The following NTF3 variants were observed in gnomAD, a reference collection of about 807,000 sequenced individuals.
NTF3 encodes the protein neurotrophin-3.
In NTF3, 8 loss-of-function variants were observed where a neutral mutation model predicts 26.3. That is an observed-to-expected ratio of 0.30 (90% CI 0.18 to 0.55). The LOEUF is 0.55. Among genes scored for constraint, NTF3 ranks in the 20% least tolerant of loss-of-function variants. The pLI is 0.93. For missense variants in NTF3, 276 were observed against 352.9 expected (o/e 0.78, Z 1.75); for synonymous variants, 154 against 145.5 (o/e 1.06, Z -0.42).
intron 1 of NTF3, among the ~76,000 whole-genome samples, chr12:5,486,296 TGTGGTC>T (rs1380426611): frequency 1.3e-5 from 2 of 152,242 alleles, no homozygotes; most frequent in African/African-American, 4.8e-5. Flanking sequence ...CCAAGCCAGC[TGTGGTC>T]TTGGTTTGGA....
In NTF3 at chr12:5,495,076, T is replaced by G. The variant is rs1406833583; in HGVS notation, c.*88T>G. Reference sequence around the variant, plus strand: ...AAATGTTTATATTGTTTTTATATATTATAAGTTGACCTTTATTTATTAAAC... The same window carrying G: ...AAATGTTTATATTGTTTTTATATATGATAAGTTGACCTTTATTTATTAAAC... On this transcript the variant is annotated 3_prime_UTR_variant, in exon 2 of 2. Coordinates refer to ENST00000423158, the MANE Select transcript of NTF3 (RefSeq NM_001102654.2). The G allele has an allele frequency of 2.9e-6, 4 of 1,355,980 alleles. No homozygotes were observed. In the East Asian group the frequency reaches 1.0e-4, roughly 34 times the overall value. The allele number at this position is 1,355,980 out of a possible 1,614,324, so 84.0% of individuals were successfully genotyped here.
At chr12:5,453,355 AC>A (rs1438595014) in intron 1 of NTF3, among the ~76,000 whole-genome samples, 3 of 151,650 alleles carry the variant, frequency 2.0e-5, no homozygotes, top group African/African-American at 7.3e-5. Flanking sequence ...AGTGTTTCCT[AC>A]CCCTCCTGCC....
intron 1 of NTF3, among the ~76,000 whole-genome samples, chr12:5,483,070 T>C (rs1486921115): frequency 6.6e-6 from 1 of 151,812 alleles, no homozygotes; most frequent in Non-Finnish European, 1.5e-5. Flanking sequence ...CTCTGTCTCT[T>C]TGTTCTCTAT....
chr12:5,490,145 C>T (rs960436415), intron 1 of NTF3, among the ~76,000 whole-genome samples: 2 of 152,056 alleles, frequency 1.3e-5, no homozygotes, highest in African/African-American at 2.4e-5. Flanking sequence ...GGACCATGGC[C>T]GACTTCAGAG....
At chr12:5,483,302 G>A (rs952585264) in intron 1 of NTF3, among the ~76,000 whole-genome samples, 1 of 152,064 alleles carries the variant, frequency 6.6e-6, no homozygotes, top group Non-Finnish European at 1.5e-5. Flanking sequence ...TTTGCAGTCC[G>A]ACCCGTGGGG....
intron 1 of NTF3, among the ~76,000 whole-genome samples, chr12:5,447,143 C>A (rs1297993133): frequency 6.6e-6 from 1 of 152,176 alleles, no homozygotes; most frequent in Non-Finnish European, 1.5e-5. Flanking sequence ...TCACCCCATC[C>A]CACCCCAAAT....
intron 1 of NTF3, among the ~76,000 whole-genome samples, chr12:5,444,839 C>CGAAT (rs1378641826): frequency 6.6e-6 from 1 of 152,114 alleles, no homozygotes; most frequent in Non-Finnish European, 1.5e-5. Context: ...AATGAGCAAA[C>CGAAT]GAATGCATGA....
Position 5,432,225 on chromosome 12 carries a change from G to A in NTF3, c.-100G>A. 7.6e-7 allele frequency: 1 copy of A among 1,307,544 alleles called. No individual in the cohort carries two copies. The highest frequency in any genetic ancestry group is 1.1e-6 in the Non-Finnish European group (1 of 902,138). The allele number at this position is 1,307,544 out of a possible 1,614,324, so 81.0% of individuals were successfully genotyped here. ...TTCTTCCTCTCCTTTTTCCCCTGCT[G>A]GGTAGTGGCTGCGGCGGGGTGGGGG... On this transcript the variant is annotated 5_prime_UTR_variant, in exon 1 of 2. Transcript: ENST00000423158.
In NTF3 at chr12:5,432,152, C is replaced by A. The variant is rs1449985438; in HGVS notation, c.-173C>A. 1.4e-6 allele frequency: 1 copy of A among 738,710 alleles called. No individual in the cohort carries two copies. The highest frequency in any genetic ancestry group is 2.7e-5 in the East Asian group (1 of 37,242). 45.8% of individuals were successfully genotyped at this position (738,710 alleles called of 1,614,324 possible). The stretch of plus-strand genomic sequence containing the variant: ...CTCCCTTCCGAACAGCTCCGCGCAC[C>A]GCCCCGCGACGCAGCCCGGCGCAAC... On this transcript the variant is annotated 5_prime_UTR_variant, in exon 1 of 2. Coordinates refer to ENST00000423158, the MANE Select transcript of NTF3 (RefSeq NM_001102654.2).
upstream of NTF3, among the ~76,000 whole-genome samples, chr12:5,430,588 C>G (rs967943468): frequency 7.3e-5 from 11 of 151,600 alleles, no homozygotes; most frequent in Non-Finnish European, 1.5e-4. Flanking sequence ...CCAGACTCCC[C>G]CCTCCCTTCC....
chr12:5,466,869 G>C (rs1940596390), intron 1 of NTF3, among the ~76,000 whole-genome samples: 1 of 152,112 alleles, frequency 6.6e-6, no homozygotes, highest in Non-Finnish European at 1.5e-5. Flanking sequence ...TTGTTTATGG[G>C]AGGGGTGAGG....
At chr12:5,490,221 A>C (rs1940917918) in intron 1 of NTF3, among the ~76,000 whole-genome samples, 1 of 152,212 alleles carries the variant, frequency 6.6e-6, no homozygotes, top group Non-Finnish European at 1.5e-5. Flanking sequence ...CAGGCTTGGC[A>C]AAAGCCCATG....
intron 1 of NTF3, among the ~76,000 whole-genome samples, chr12:5,437,856 A>G (rs1018465245): frequency 6.6e-6 from 1 of 152,156 alleles, no homozygotes; most frequent in East Asian, 1.9e-4. Context: ...GCATGTGTGG[A>G]GTAAGAGGAG....
intron 1 of NTF3, among the ~76,000 whole-genome samples, chr12:5,455,740 C>G (rs1940437967): frequency 6.6e-6 from 1 of 152,136 alleles, no homozygotes; most frequent in Non-Finnish European, 1.5e-5. Flanking sequence ...TCATGTCTTG[C>G]TCAGGGCACA....
intron 1 of NTF3, among the ~76,000 whole-genome samples, chr12:5,461,866 G>A (rs1940530112): frequency 6.6e-6 from 1 of 152,048 alleles, no homozygotes; most frequent in Non-Finnish European, 1.5e-5. Context: ...CTCTTATTTT[G>A]GAATAGCTAT....
At chr12:5,481,751 CAT>C (rs1353750997) in intron 1 of NTF3, among the ~76,000 whole-genome samples, 10 of 151,574 alleles carry the variant, frequency 6.6e-5, no homozygotes, top group East Asian at 2.0e-4. Context: ...ACACCACACA[CAT>C]ATGCACACCA....
rs556892930 is a variant in NTF3 at position 5,432,293 on chromosome 12, T to C, written c.-32T>C. The C allele has an allele frequency of 7.4e-6, 12 of 1,613,112 alleles. No individual in the cohort carries two copies. In the African/African-American group the frequency reaches 1.3e-4, roughly 18 times the overall value. On this transcript the variant is annotated 5_prime_UTR_variant, in exon 1 of 2. Coordinates refer to ENST00000423158, the MANE Select transcript of NTF3 (RefSeq NM_001102654.2). ...GCTCGCGTCCACCTTTCTCTTCATG[T>C]CGACGTCCCTGGAAACGGCCACACG...
chr12:5,481,347 C>T (rs539890621), intron 1 of NTF3, among the ~76,000 whole-genome samples: 1 of 151,812 alleles, frequency 6.6e-6, no homozygotes, highest in African/African-American at 2.4e-5. Context: ...CCCAGCACAC[C>T]ACGCACACAT....
At position 5,432,122 on chromosome 12, in the gene NTF3, C is replaced by G. The variant is rs868704257; in HGVS notation, c.-203C>G. 1.3e-4 allele frequency: 82 copies of G among 655,080 alleles called. 1 individual carries two copies. The Middle Eastern group carries it at 4.3e-3, about 34-fold the overall frequency. 40.6% of individuals were successfully genotyped at this position (655,080 alleles called of 1,614,324 possible). ...CTGTTCACGGGACTCAGAGTTGAAG[C>G]TCCTCTCCCTTCCGAACAGCTCCGC... On this transcript the variant is annotated 5_prime_UTR_variant, in exon 1 of 2. Coordinates refer to ENST00000423158, the MANE Select transcript of NTF3 (RefSeq NM_001102654.2).
Sources: allele counts gnomAD v4.1 joint callset (sites outside exome capture counted in the v4.1 genomes callset), GRCh38; gene constraint gnomAD v4.1.1; transcripts MANE v1.5; gene names NCBI Gene and HGNC (gene_info 2026-07-23, HGNC 2026-07-21).